The following KANSL1 variants were observed in gnomAD, a reference collection of about 807,000 sequenced individuals.
KANSL1 encodes the protein MLL1/MLL complex subunit KANSL1.
Under a neutral mutation model 103.6 loss-of-function variants are expected in KANSL1, and 22 were observed. That is an observed-to-expected ratio of 0.21 (90% CI 0.15 to 0.30). The LOEUF (loss-of-function observed/expected upper bound fraction) is 0.30. KANSL1 is among the 10% of genes least tolerant of loss of function. The pLI is 1.00. For missense variants in KANSL1, 1,337 were observed against 1,399.8 expected, an observed-to-expected ratio of 0.96 and a Z score of 0.72; for synonymous variants, 600 against 527.6, an observed-to-expected ratio of 1.14 and a Z score of -1.88.
chr17:46,041,159 A>T (rs1371197233), intron 7 of KANSL1: 3 of 152,244 alleles, frequency 2.0e-5, no homozygotes, highest in Admixed American at 6.5e-5. Flanking sequence ...ATGACCTTGT[A>T]GCCTGTGAAA....
chr17:46,034,338 A>ATCAT, intron 10 of KANSL1, 53 bp from the exon 11 acceptor site: 1 of 1,595,336 alleles, frequency 6.3e-7, no homozygotes, highest in Non-Finnish European at 8.6e-7. Flanking sequence ...CAGACATCAA[A>ATCAT]TCATTCATCT....
At chr17:46,061,569 T>C (rs939420493) in intron 6 of KANSL1, among the ~76,000 whole-genome samples, 2 of 152,180 alleles carry the variant, frequency 1.3e-5, no homozygotes, top group Non-Finnish European at 1.5e-5. Flanking sequence ...TTACAACTAG[T>C]AATTCCGTCA....
chr17:46,080,744 C>G (rs933431936), intron 4 of KANSL1, among the ~76,000 whole-genome samples: 2 of 123,282 alleles, frequency 1.6e-5, no homozygotes, highest in Non-Finnish European at 3.2e-5. Context: ...TTAATACTTT[C>G]TGAACGCTTT....
At chr17:46,152,967 C>G (rs1471518329) in intron 2 of KANSL1, 2 of 152,100 alleles carry the variant, frequency 1.3e-5, no homozygotes. Context: ...ATGGAGATAC[C>G]TGCTGACACA....
At chr17:46,199,083 C>A (rs1404890242) in intron 1 of KANSL1, among the ~76,000 whole-genome samples, 1 of 152,136 alleles carries the variant, frequency 6.6e-6, no homozygotes, top group African/African-American at 2.4e-5. Context: ...GTCAACTAAA[C>A]CAAAGTTAAG....
intron 2 of KANSL1, among the ~76,000 whole-genome samples, chr17:46,129,040 T>C (rs2043714508): frequency 6.6e-6 from 1 of 152,146 alleles, no homozygotes; most frequent in Non-Finnish European, 1.5e-5. Context: ...GAATGTAATC[T>C]GAAGGTGGAG....
chr17:46,050,384 C>G, intron 7 of KANSL1, 149 bp downstream of exon 7: 3 of 762,730 alleles, frequency 3.9e-6, no homozygotes, highest in Non-Finnish European at 6.2e-6. Flanking sequence ...CTGTTACAGT[C>G]TTTTTGCAAA....
At chr17:46,216,898 G>C (rs913060829) in intron 1 of KANSL1, among the ~76,000 whole-genome samples, 3 of 152,034 alleles carry the variant, frequency 2.0e-5, no homozygotes, top group Non-Finnish European at 4.4e-5. Context: ...TTGAGCTCAG[G>C]AGTTCAATAT....
intron 1 of KANSL1, among the ~76,000 whole-genome samples, chr17:46,191,483 G>A (rs2047319507): frequency 1.3e-5 from 2 of 152,212 alleles, no homozygotes. Context: ...CCAAAAAGCA[G>A]AGAAAACAGA....
rs1598530886 is a variant in KANSL1 at position 46,067,637 on chromosome 17, G to A, written c.1564C>T (p.His522Tyr). Reference protein sequence around the residue: ...IESVSQPLENHGAPIIGHISE... With the variant: ...IESVSQPLENYGAPIIGHISE... ...ATATGACCAATAATAGGGGCACCAT[G>A]GTTTTCCAATGGCTGAGAAACAGAC... Residue 522 changes from histidine to tyrosine, a missense_variant, in exon 5 of 15, where the codon CAT becomes TAT. Transcript: ENST00000432791. 3 of 1,601,062 alleles carry A rather than the reference G, an allele frequency of 1.9e-6. No homozygotes were observed. Among genetic ancestry groups the A allele is most frequent in the Non-Finnish European group, 2.6e-6 (3 of 1,168,226 alleles).
chr17:46,186,442 A>T (rs2147875585), intron 1 of KANSL1, among the ~76,000 whole-genome samples: 1 of 152,190 alleles, frequency 6.6e-6, no homozygotes, highest in East Asian at 1.9e-4. Flanking sequence ...TCCATGGCCA[A>T]ATTCCTGAGT....
intron 3 of KANSL1, among the ~76,000 whole-genome samples, chr17:46,091,778 C>T (rs1443469677): frequency 7.5e-6 from 1 of 133,724 alleles, no homozygotes; most frequent in Non-Finnish European, 1.8e-5. Flanking sequence ...GCCATACCAC[C>T]TCAGCTTGTA....
chr17:46,080,604 T>G (rs2078954221), intron 4 of KANSL1, among the ~76,000 whole-genome samples: 1 of 152,134 alleles, frequency 6.6e-6, no homozygotes, highest in Non-Finnish European at 1.5e-5. Context: ...TTTGCAAATA[T>G]TTGGCATTTT....
upstream of KANSL1, chr17:46,193,925 G>C (rs890131112): frequency 6.4e-6 from 1 of 157,062 alleles, no homozygotes; most frequent in Non-Finnish European, 1.4e-5. Flanking sequence ...GGCTAACCCT[G>C]CAGAAAGCTC....
chr17:46,111,873 G>A (rs1460335476), intron 2 of KANSL1, among the ~76,000 whole-genome samples: 1 of 152,150 alleles, frequency 6.6e-6, no homozygotes, highest in Non-Finnish European at 1.5e-5. Context: ...AAGAAAAGCA[G>A]AAACCAGAAA....
At chr17:46,127,950 A>G (rs1375813300) in intron 2 of KANSL1, among the ~76,000 whole-genome samples, 1 of 152,126 alleles carries the variant, frequency 6.6e-6, no homozygotes, top group Non-Finnish European at 1.5e-5. Context: ...GAACATCACA[A>G]TAACTACGAA....
At chr17:46,142,455 GA>G (rs112210773) in intron 2 of KANSL1, among the ~76,000 whole-genome samples, 2 of 151,602 alleles carry the variant, frequency 1.3e-5, no homozygotes, top group African/African-American at 2.4e-5. Context: ...TCTCTACAAA[GA>G]AAAAAAAATT....
rs2077030679 is a variant in KANSL1 at position 46,032,231 on chromosome 17, G to C, written c.2906C>G (p.Pro969Arg). The C allele has an allele frequency of 6.3e-7, 1 of 1,581,336 alleles. No individual in the cohort carries two copies. The highest frequency in any genetic ancestry group is 8.6e-7 in the Non-Finnish European group (1 of 1,160,554). ...GCTACTGCTGACATCAGGGGAGGCA[G>C]GCTGGGGGGTGGAGGGGTTGGCACT... ...LGSANPSTPQ[P>R]ASPDVSSSHS... The change falls in exon 14 of 15, where the codon CCT becomes CGT. Residue 969 changes from proline to arginine, a missense_variant. Physicochemically the swap from Pro to Arg is moderately radical, Grantham distance 103. Transcript: ENST00000432791.
intron 2 of KANSL1, among the ~76,000 whole-genome samples, chr17:46,156,596 A>T (rs530700950): frequency 1.3e-4 from 20 of 152,322 alleles, no homozygotes; most frequent in African/African-American, 4.6e-4. Flanking sequence ...CTTGTTTTTT[A>T]ATTTTTATTT....
Sources: allele counts gnomAD v4.1 joint callset (sites outside exome capture counted in the v4.1 genomes callset), GRCh38; gene constraint gnomAD v4.1.1; transcripts MANE v1.5; gene names NCBI Gene and HGNC (gene_info 2026-07-23, HGNC 2026-07-21).